Variants in PFAS observed in about 807,000 individuals in gnomAD.
PFAS encodes the protein phosphoribosylformylglycinamidine synthase, also known as FGAM synthase.
PFAS carries 97 observed loss-of-function variants against 140.6 expected under a neutral mutation model. The observed-to-expected ratio is 0.69, with a 90% CI of 0.59 to 0.82. PFAS has a LOEUF of 0.82. Among genes scored for constraint, PFAS ranks in the 40% least tolerant of loss-of-function variants. PFAS has a pLI of 0.00. For synonymous variants in PFAS, 679 were observed against 718.8 expected (o/e 0.94, Z 0.88); for missense variants, 1,656 against 1,780.2 (o/e 0.93, Z 1.26).
chr17:8,248,040 G>A (rs1326764340), upstream of PFAS: 18 of 1,603,554 alleles, frequency 1.1e-5, no homozygotes, highest in African/African-American at 2.1e-4. Flanking sequence ...CCGCCATGAT[G>A]CGCCGGAGCT....
Position 8,266,219 on chromosome 17 carries a change from T to C in PFAS, c.2702-15T>C. 3 of 1,613,524 alleles carry C rather than the reference T, an allele frequency of 1.9e-6. No homozygotes were observed. The South Asian group carries it at 3.3e-5, about 18-fold the overall frequency. ...TGGGTCCCGAGGTTGCTGAGCTTTCTTCTCCTTCCTCCAGACCGCCTCCTC... is the reference window on the plus strand; with the variant it reads ...TGGGTCCCGAGGTTGCTGAGCTTTCCTCTCCTTCCTCCAGACCGCCTCCTC... On this transcript the variant is annotated splice_polypyrimidine_tract_variant and intron_variant, in intron 21 of 27. Coordinates refer to ENST00000314666, the MANE Select transcript of PFAS (RefSeq NM_012393.3). This position sits in a 1 kb window ranked among gnomAD's most constrained non-coding sequence, Gnocchi z 5.0.
chr17:8,265,162 G>A (rs751748312), intron 18 of PFAS, 37 bp downstream of exon 18: 1 of 1,586,084 alleles, frequency 6.3e-7, no homozygotes, highest in Non-Finnish European at 8.6e-7. Context: ...GGAGCCCCCG[G>A]GCTTCAGGAC....
rs1260799991 is a variant in PFAS at position 8,268,837 on chromosome 17, G to A, written c.3687G>A (p.Val1229=). Reference sequence around the variant, plus strand: ...GGATGGAGGGCGCCGTGCTGCCCGTGTGGAGTGCGCACGGGGAAGGTCAGG... The same window carrying A: ...GGATGGAGGGCGCCGTGCTGCCCGTATGGAGTGCGCACGGGGAAGGTCAGG... The part of the protein sequence containing the change: ...LRGMEGAVLP[V]WSAHGEGYVA... Residue 1229 remains valine, a synonymous_variant, in exon 27 of 28, where the codon GTG becomes GTA. Coordinates refer to ENST00000314666, the MANE Select transcript of PFAS (RefSeq NM_012393.3). The A allele has an allele frequency of 1.9e-6, 3 of 1,608,592 alleles. No individual in the cohort carries two copies. The highest frequency in any genetic ancestry group is 1.7e-6 in the Non-Finnish European group (2 of 1,179,900).
At chr17:8,268,385 A>G (rs1446065474) in intron 26 of PFAS, 148 bp from the exon 27 acceptor site, 8 of 627,940 alleles carry the variant, frequency 1.3e-5, no homozygotes, top group African/African-American at 7.4e-5. Flanking sequence ...AAAAAAAAAA[A>G]AAAGAAAGAA....
In PFAS at chr17:8,266,362, C is replaced by A; in HGVS notation, c.2821+9C>A. 1.2e-6 allele frequency: 2 copies of A among 1,613,958 alleles called. No individual in the cohort carries two copies. Among genetic ancestry groups the A allele is most frequent in the Non-Finnish European group, 1.7e-6 (2 of 1,179,930 alleles). The stretch of plus-strand genomic sequence containing the variant: ...TGTCCCCAGGGTTGATGGTAAGGAA[C>A]CTGGGGTCTAGTCTCAGGCCCGGGC... On this transcript the variant is annotated intron_variant, in intron 22 of 27. Coordinates refer to ENST00000314666, the MANE Select transcript of PFAS (RefSeq NM_012393.3). This position sits in a 1 kb window ranked among gnomAD's most constrained non-coding sequence, Gnocchi z 5.0.
Position 8,258,122 on chromosome 17 carries a change from G to T in PFAS, c.1259G>T (p.Trp420Leu), listed in dbSNP as rs1389454234. Residue 420 changes from tryptophan to leucine, a missense_variant, in exon 11 of 28, where the codon TGG (tryptophan) becomes TTG (leucine). Trp to Leu is a moderately conservative substitution (Grantham distance 61, BLOSUM62 -2). Transcript: ENST00000314666. ...LQLPDGQRRE[W>L]IKPIMFSGGI... The stretch of plus-strand genomic sequence containing the variant: ...CTCCCAGACGGCCAGCGGCGTGAGT[G>T]GATCAAGCCCATCATGTTTAGTGGG... 1 of 1,613,952 alleles carries T rather than the reference G, an allele frequency of 6.2e-7. No individual in the cohort carries two copies. The highest frequency in any genetic ancestry group is 8.5e-7 in the Non-Finnish European group (1 of 1,179,992).
intron 18 of PFAS, 70 bp downstream of exon 18, chr17:8,265,195 C>T: frequency 1.3e-6 from 2 of 1,566,438 alleles, no homozygotes; most frequent in Admixed American, 1.7e-5. Context: ...ATCTGTAGCC[C>T]TTCATTTCAT....
rs746099143 is a variant in PFAS, at chr17:8,266,223, C to T, written c.2702-11C>T. The T allele has an allele frequency of 6.2e-7, 1 of 1,613,628 alleles. No homozygotes were observed. ...TCCCGAGGTTGCTGAGCTTTCTTCT[C>T]CTTCCTCCAGACCGCCTCCTCTGCT... On this transcript the variant is annotated splice_polypyrimidine_tract_variant and intron_variant, in intron 21 of 27. Coordinates refer to ENST00000314666, the MANE Select transcript of PFAS (RefSeq NM_012393.3). The surrounding 1 kb of genome is among the most constrained non-coding windows in gnomAD (Gnocchi z 5.0).
rs182530239 is a variant in PFAS at position 8,268,086 on chromosome 17, A to C, written c.3382+421A>C. On this transcript the variant is annotated intron_variant, in intron 26 of 27. Transcript: ENST00000314666. Reference sequence around the variant, plus strand: ...TATATATATGTATTTTTTGAGACGGAGTTTCACCCTTGTTGCCCAGGCTGG... The same window carrying C: ...TATATATATGTATTTTTTGAGACGGCGTTTCACCCTTGTTGCCCAGGCTGG... Among the ~76,000 whole-genome samples the C allele has an allele frequency of 4.6e-3, 653 of 143,406 alleles. 6 individuals carry two copies. Among genetic ancestry groups the C allele is most frequent in the African/African-American group, 0.016 (619 of 39,578 alleles). 94.1% of individuals were successfully genotyped at this position (143,406 alleles called of 152,430 possible).
Position 8,266,775 on chromosome 17 carries a change from G to C in PFAS, c.2844G>C (p.Glu948Asp), listed in dbSNP as rs752863230. ...CAGTCCTGTCTGTGCTGTTCGCTGA[G>C]GAGCCAGGCCTCGTGCTGGAGGTGC... ...RVDVLSVLFA[E>D]EPGLVLEVQE... is the part of the protein sequence containing the mutation. The change falls in exon 23 of 28, where the codon GAG becomes GAC. Residue 948 changes from glutamate to aspartate, a missense_variant. Around this residue, in one of 2 missense-constraint regions of PFAS, gnomAD observed 883 missense variants for 1,023.0 expected, o/e 0.86. Coordinates refer to ENST00000314666, the MANE Select transcript of PFAS (RefSeq NM_012393.3). This position sits in a 1 kb window ranked among gnomAD's most constrained non-coding sequence, Gnocchi z 5.0. 58 of 1,610,788 alleles carry C rather than the reference G, an allele frequency of 3.6e-5. No individual in the cohort carries two copies. Among genetic ancestry groups the C allele is most frequent in the Admixed American group, 1.7e-5 (1 of 59,830 alleles).
In PFAS at chr17:8,267,194, T is replaced by A. The variant is rs763654821; in HGVS notation, c.3134T>A (p.Leu1045Gln). 3 of 1,606,420 alleles carry A rather than the reference T, an allele frequency of 1.9e-6. No individual in the cohort carries two copies. The highest frequency in any genetic ancestry group is 1.7e-6 in the Non-Finnish European group (2 of 1,177,164). Residue 1045 changes from leucine (L) to glutamine (Q), a missense_variant, in exon 24 of 28, where the codon CTG becomes CAG. Leu to Gln is a moderately radical substitution (Grantham distance 113). Around this residue, in one of 2 missense-constraint regions of PFAS, gnomAD observed 883 missense variants for 1,023.0 expected, o/e 0.86. Coordinates refer to ENST00000314666, the MANE Select transcript of PFAS (RefSeq NM_012393.3). The surrounding 1 kb of genome is among the most constrained non-coding windows in gnomAD (Gnocchi z 4.9). ...LRERMGPSYC[L>Q]PPTFPKASVP... ...GAGCGGATGGGGCCCAGCTATTGCC[T>A]GCCCCCCACCTTTCCCAAAGCCTCC...
At chr17:8,248,136 C>T (rs1467133999), upstream of PFAS, 19 of 880,594 alleles carry the variant, frequency 2.2e-5, no homozygotes, top group Non-Finnish European at 2.9e-5. Flanking sequence ...AGCGGGTTTC[C>T]TCGCCACCTC....
chr17:8,265,141 G>A lies in PFAS; in HGVS notation c.2280+16G>A. 2 of 1,602,366 alleles carry A rather than the reference G, an allele frequency of 1.2e-6. No individual in the cohort carries two copies. Among genetic ancestry groups the A allele is most frequent in the Non-Finnish European group, 1.7e-6 (2 of 1,171,874 alleles). ...TGACCTCCGGGTGAGTTCTCCCACAGCTTCTATCCTGGAGCCCCCGGGCTT... is the reference window on the plus strand; with the variant it reads ...TGACCTCCGGGTGAGTTCTCCCACAACTTCTATCCTGGAGCCCCCGGGCTT... On this transcript the variant is annotated intron_variant, in intron 18 of 27. Coordinates refer to ENST00000314666, the MANE Select transcript of PFAS (RefSeq NM_012393.3).
rs763272340 is a variant in PFAS at position 8,267,577 on chromosome 17, C to A, written c.3294C>A (p.Leu1098=). The change falls in exon 26 of 28, where the codon CTC becomes CTA. Residue 1098 remains leucine (L), a synonymous_variant. Transcript: ENST00000314666. This position sits in a 1 kb window ranked among gnomAD's most constrained non-coding sequence, Gnocchi z 4.9. The part of the protein sequence containing the change: ...FEVWDVTMQD[L]CSGAIGLDTF... Reference sequence around the variant, plus strand: ...TATGGGACGTGACCATGCAGGACCTCTGCTCTGGGGCAATTGGGCTGGACA... The same window carrying A: ...TATGGGACGTGACCATGCAGGACCTATGCTCTGGGGCAATTGGGCTGGACA... 6.2e-7 allele frequency: 1 copy of A among 1,613,304 alleles called. No individual in the cohort carries two copies. Among genetic ancestry groups the A allele is most frequent in the East Asian group, 2.2e-5 (1 of 44,880 alleles).
At chr17:8,257,611 T>A (rs1989425975) in intron 9 of PFAS, among the ~76,000 whole-genome samples, 196 bp from the exon 10 acceptor site, 1 of 150,976 alleles carries the variant, frequency 6.6e-6, no homozygotes. Context: ...GAGGGAAGGC[T>A]GGTGTGGGTG....
At chr17:8,247,932 G>A, upstream of PFAS, 1 of 1,506,580 alleles carries the variant, frequency 6.6e-7, no homozygotes, top group South Asian at 1.2e-5. Context: ...ACAAGGCAGA[G>A]GAAATAGGAA....
chr17:8,264,449 C>T, intron 16 of PFAS, 21 bp from the exon 17 acceptor site: 1 of 1,613,308 alleles, frequency 6.2e-7, no homozygotes, highest in Non-Finnish European at 8.5e-7. Flanking sequence ...TTCACACTGC[C>T]TGTCGCTGTC....
intron 9 of PFAS, among the ~76,000 whole-genome samples, chr17:8,257,263 C>A (rs984929607): frequency 6.6e-6 from 1 of 152,170 alleles, no homozygotes; most frequent in African/African-American, 2.4e-5. Flanking sequence ...GGTTTCTTAG[C>A]CTGAGAAACT....
At chr17:8,249,783 G>C (rs1216615412) in intron 1 of PFAS, among the ~76,000 whole-genome samples, 5 of 152,162 alleles carry the variant, frequency 3.3e-5, no homozygotes, top group African/African-American at 1.2e-4. Context: ...AGAGTGGTGA[G>C]AATCAAGAGT....
Sources: allele counts gnomAD v4.1 joint callset (sites outside exome capture counted in the v4.1 genomes callset), GRCh38; gene constraint gnomAD v4.1.1; regional missense constraint gnomAD v4.1.1; non-coding constraint Gnocchi (gnomAD v3.1); transcripts MANE v1.5; gene names NCBI Gene and HGNC (gene_info 2026-07-23, HGNC 2026-07-21).